XKR4: variants seen among roughly 807,000 people sequenced by gnomAD.
The protein encoded by XKR4 is XK-related protein 4.
XKR4 carries 12 observed loss-of-function variants against 53.9 expected under a neutral mutation model. The ratio of observed to expected loss-of-function variants is 0.22; its 90% CI spans 0.14 to 0.36. The LOEUF is 0.36. XKR4 is among the 10% of genes least tolerant of loss of function. XKR4 has a pLI of 1.00. For missense variants in XKR4, 799 were observed against 859.5 expected, an observed-to-expected ratio of 0.93 and a Z score of 0.88; for synonymous variants, 354 against 362.4, an observed-to-expected ratio of 0.98 and a Z score of 0.26.
Position 55,525,452 on chromosome 8 carries a change from T to G in XKR4, c.*1225T>G, listed in dbSNP as rs1363565323. Reference sequence around the variant, plus strand: ...TTTTTAGTAAGTATGAGCAGACAAATGCAATGAATATGCTATGAAAAAACC... The same window carrying G: ...TTTTTAGTAAGTATGAGCAGACAAAGGCAATGAATATGCTATGAAAAAACC... On this transcript the variant is annotated 3_prime_UTR_variant, in exon 3 of 3. Coordinates refer to ENST00000327381, the MANE Select transcript of XKR4 (RefSeq NM_052898.2). 1 of 152,552 alleles carries G rather than the reference T, an allele frequency of 6.6e-6. No individual in the cohort carries two copies. The highest frequency in any genetic ancestry group is 1.5e-5 in the Non-Finnish European group (1 of 68,028). 9.4% of individuals were successfully genotyped at this position (152,552 alleles called of 1,614,324 possible). A position where few individuals can be genotyped will look rare whatever the true frequency, so the allele number is the denominator to read the frequency against.
chr8:55,336,468 T>G (rs1281920791), intron 1 of XKR4, among the ~76,000 whole-genome samples: 1 of 152,158 alleles, frequency 6.6e-6, no homozygotes, highest in Non-Finnish European at 1.5e-5. Context: ...CAAAATAAGG[T>G]CTGTAACTTA....
chr8:55,504,273 T>C (rs1806491513), intron 2 of XKR4, among the ~76,000 whole-genome samples: 1 of 151,948 alleles, frequency 6.6e-6, no homozygotes, highest in African/African-American at 2.4e-5. Flanking sequence ...AGTGCAGTGA[T>C]GCGATCTCAG....
chr8:55,146,904 C>T (rs891101692), intron 1 of XKR4, among the ~76,000 whole-genome samples: 24 of 152,174 alleles, frequency 1.6e-4, no homozygotes, highest in African/African-American at 4.6e-4. Context: ...CTTCTGCCCA[C>T]GCTGGAGCTC....
intron 1 of XKR4, chr8:55,164,789 T>TACACACAAACACACAC (rs1490848230): frequency 1.8e-5 from 3 of 167,100 alleles, no homozygotes; most frequent in Non-Finnish European, 3.9e-5. Context: ...CACACACACA[T>TACACACAAACACACAC]ACACACACAC....
intron 1 of XKR4, among the ~76,000 whole-genome samples, chr8:55,202,975 G>A (rs1403534558): frequency 1.3e-5 from 2 of 152,200 alleles, no homozygotes; most frequent in Non-Finnish European, 2.9e-5. Flanking sequence ...ACACTTCACT[G>A]AACGAAGTTG....
intron 1 of XKR4, among the ~76,000 whole-genome samples, chr8:55,118,867 A>G (rs1816349488): frequency 1.3e-5 from 2 of 152,096 alleles, no homozygotes; most frequent in Admixed American, 6.5e-5. Flanking sequence ...TGTTTTTCGA[A>G]GTTCATGGCA....
chr8:55,339,790 C>A (rs185879617), intron 1 of XKR4, among the ~76,000 whole-genome samples: 6 of 152,244 alleles, frequency 3.9e-5, no homozygotes, highest in Admixed American at 3.3e-4. Flanking sequence ...CATCATGAAT[C>A]ACATTTCCAC....
At position 55,524,054 on chromosome 8, in the gene XKR4, G is replaced by T; in HGVS notation, c.1780G>T (p.Val594Phe). The T allele has an allele frequency of 1.9e-6, 3 of 1,614,230 alleles. No homozygotes were observed. The highest frequency in any genetic ancestry group is 2.5e-6 in the Non-Finnish European group (3 of 1,180,046). ...SSRPPRIEESVIKIDLFRNRY... is the reference protein window; with the variant it reads ...SSRPPRIEESFIKIDLFRNRY... Reference sequence around the variant, plus strand: ...TCGCCCACCACGGATTGAAGAATCAGTCATTAAAATTGACTTGTTCAGGAA... The same window carrying T: ...TCGCCCACCACGGATTGAAGAATCATTCATTAAAATTGACTTGTTCAGGAA... The change falls in exon 3 of 3, where the codon GTC becomes TTC. Residue 594 changes from valine (V) to phenylalanine (F), a missense_variant. By Grantham distance (50) the Val-to-Phe change is conservative. Coordinates refer to ENST00000327381, the MANE Select transcript of XKR4 (RefSeq NM_052898.2).
chr8:55,420,552 G>C (rs992752977), intron 2 of XKR4, among the ~76,000 whole-genome samples: 1 of 143,120 alleles, frequency 7.0e-6, no homozygotes, highest in African/African-American at 2.7e-5. Context: ...ACCAAACACC[G>C]CATATTCTCA....
intron 2 of XKR4, among the ~76,000 whole-genome samples, chr8:55,415,907 A>G (rs1804839880): frequency 6.6e-6 from 1 of 152,162 alleles, no homozygotes; most frequent in South Asian, 2.1e-4. Context: ...TGGTATATGG[A>G]TGCCCTCATT....
intron 2 of XKR4, among the ~76,000 whole-genome samples, chr8:55,448,891 A>C (rs1258822782): frequency 6.6e-6 from 1 of 152,232 alleles, no homozygotes; most frequent in Non-Finnish European, 1.5e-5. Context: ...ATAAAGAAAA[A>C]TAAAGAGAGT....
chr8:55,274,884 A>G (rs1818743239), intron 1 of XKR4, among the ~76,000 whole-genome samples: 1 of 152,166 alleles, frequency 6.6e-6, no homozygotes, highest in South Asian at 2.1e-4. Flanking sequence ...CGGATAGGCA[A>G]CAGTTCAGTC....
intron 2 of XKR4, among the ~76,000 whole-genome samples, chr8:55,367,123 G>A (rs1804000376): frequency 6.6e-6 from 1 of 151,990 alleles, no homozygotes; most frequent in South Asian, 2.1e-4. Flanking sequence ...CAGAAGCCCT[G>A]CTCTTACCCC....
At chr8:55,287,340 A>T (rs770941858) in intron 1 of XKR4, among the ~76,000 whole-genome samples, 2 of 152,202 alleles carry the variant, frequency 1.3e-5, no homozygotes, top group Non-Finnish European at 2.9e-5. Context: ...TACACTCAAG[A>T]TCATATTTAG....
At position 55,103,144 on chromosome 8, in the gene XKR4, C is replaced by T; in HGVS notation, c.656C>T (p.Ala219Val). ...ACGCCGCAAAGGCAAGCATCTAACGCCAGCAAGAGCAACATCGCCGCGGCC... is the reference window on the plus strand; with the variant it reads ...ACGCCGCAAAGGCAAGCATCTAACGTCAGCAAGAGCAACATCGCCGCGGCC... ...PSTPQRQASN[A>V]SKSNIAAANS... Residue 219 changes from alanine (A) to valine (V), a missense_variant, in exon 1 of 3, where the codon GCC (alanine) becomes GTC (valine). Ala to Val is a moderately conservative substitution (Grantham distance 64, BLOSUM62 0). Transcript: ENST00000327381. The T allele has an allele frequency of 6.2e-7, 1 of 1,613,978 alleles. No individual in the cohort carries two copies.
intron 2 of XKR4, chr8:55,450,060 G>T (rs1805411289): frequency 1.3e-6 from 1 of 753,924 alleles, no homozygotes; most frequent in Non-Finnish European, 2.4e-6. Flanking sequence ...CATCTGGCCG[G>T]GCTTCAAGGC....
chr8:55,426,373 G>GCTCT (rs138919134), intron 2 of XKR4, among the ~76,000 whole-genome samples: 2 of 149,264 alleles, frequency 1.3e-5, no homozygotes, highest in Non-Finnish European at 3.0e-5. Context: ...GCTCACTTGC[G>GCTCT]CTCTCTCTCT....
Position 55,272,109 on chromosome 8 carries a change from G to A in XKR4, c.807-85569G>A, listed in dbSNP as rs550466837. 2.2e-4 allele frequency among the ~76,000 whole-genome samples: 34 copies of A among 152,264 alleles called. No individual in the cohort carries two copies. In the South Asian group the frequency reaches 4.4e-3, roughly 20 times the overall value. Reference sequence around the variant, plus strand: ...TTGGGTGCACAAGTGTTTAGGGAGAGTTTGATCCTAACAGGTACAATGAAA... The same window carrying A: ...TTGGGTGCACAAGTGTTTAGGGAGAATTTGATCCTAACAGGTACAATGAAA... On this transcript the variant is annotated intron_variant, in intron 1 of 2. Coordinates refer to ENST00000327381, the MANE Select transcript of XKR4 (RefSeq NM_052898.2).
At chr8:55,217,790 A>C (rs1216471648) in intron 1 of XKR4, among the ~76,000 whole-genome samples, 5 of 147,468 alleles carry the variant, frequency 3.4e-5, no homozygotes, top group Admixed American at 1.4e-4. Context: ...AGATAGATAC[A>C]CACAGATAAA....
Sources: gnomAD v4.1 joint callset for allele counts (sites outside exome capture counted in the v4.1 genomes callset) on GRCh38, gnomAD v4.1.1 for gene constraint, MANE v1.5 for transcripts, NCBI Gene and HGNC (gene_info 2026-07-23, HGNC 2026-07-21) for gene names.